The following ZCCHC7 variants were observed in gnomAD, a reference collection of about 807,000 sequenced individuals.
ZCCHC7 encodes zinc finger CCHC domain-containing protein 7.
In ZCCHC7, 35 loss-of-function variants were observed where a neutral mutation model predicts 52.0. That is an observed-to-expected ratio of 0.67 (90% CI 0.51 to 0.89). ZCCHC7 has a LOEUF of 0.89. ZCCHC7 is among the 40% of genes least tolerant of loss of function. The pLI is 0.00. For synonymous variants in ZCCHC7, 217 were observed against 221.5 expected (o/e 0.98, Z 0.18); for missense variants, 574 against 649.1 (o/e 0.88, Z 1.26).
intron 2 of ZCCHC7, among the ~76,000 whole-genome samples, chr9:37,262,064 T>C (rs531471495): frequency 6.6e-6 from 1 of 152,298 alleles, no homozygotes; most frequent in Admixed American, 6.5e-5. Flanking sequence ...CTTTTGATGA[T>C]AACAAAGCAG....
At chr9:37,335,142 A>G (rs1323820411) in intron 6 of ZCCHC7, among the ~76,000 whole-genome samples, 2 of 152,146 alleles carry the variant, frequency 1.3e-5, no homozygotes, top group Non-Finnish European at 2.9e-5. Flanking sequence ...TCAGTTAGGA[A>G]AACTAAGTTT....
At chr9:37,165,949 T>G (rs1588412688) in intron 2 of ZCCHC7, among the ~76,000 whole-genome samples, 1 of 152,232 alleles carries the variant, frequency 6.6e-6, no homozygotes, top group East Asian at 1.9e-4. Context: ...AGTTTATAAT[T>G]GCAAATTTAA....
chr9:37,287,979 G>T (rs182030778), intron 2 of ZCCHC7, among the ~76,000 whole-genome samples: 149 of 152,090 alleles, frequency 9.8e-4, no homozygotes, highest in Non-Finnish European at 1.9e-3. Context: ...AAGACCTTCT[G>T]TCAATATTCT....
intron 2 of ZCCHC7, among the ~76,000 whole-genome samples, chr9:37,146,764 G>C (rs1487508332): frequency 6.6e-6 from 1 of 151,810 alleles, no homozygotes. Flanking sequence ...TAAAAATTTT[G>C]TTTCTCTTCT....
chr9:37,294,885 G>A (rs1828711569), intron 2 of ZCCHC7, among the ~76,000 whole-genome samples: 1 of 152,094 alleles, frequency 6.6e-6, no homozygotes, highest in Non-Finnish European at 1.5e-5. Flanking sequence ...AAAGTGCCCA[G>A]GATCCTTGAA....
rs1829267041 is a variant in ZCCHC7 at position 37,305,645 on chromosome 9, C to T, written c.882C>T (p.His294=). Residue 294 remains histidine (H), a synonymous_variant, in exon 5 of 9, where the codon CAC becomes CAT. Coordinates refer to ENST00000336755, the MANE Select transcript of ZCCHC7 (RefSeq NM_032226.3). The part of the protein sequence containing the change: ...EYCPVPKMLD[H]SCLFRHSWDK... ...GTCCTGTGCCTAAGATGTTGGACCACTCATGTCTTTTCAGACATTCCTGGG... is the reference window on the plus strand; with the variant it reads ...GTCCTGTGCCTAAGATGTTGGACCATTCATGTCTTTTCAGACATTCCTGGG... 1 of 1,613,980 alleles carries T rather than the reference C, an allele frequency of 6.2e-7. No homozygotes were observed. Among genetic ancestry groups the T allele is most frequent in the African/African-American group, 1.3e-5 (1 of 74,894 alleles).
intron 1 of ZCCHC7, among the ~76,000 whole-genome samples, chr9:37,125,505 T>C (rs546824657): frequency 1.3e-5 from 2 of 152,256 alleles, no homozygotes; most frequent in Non-Finnish European, 2.9e-5. Context: ...GCCGTGCGAT[T>C]AATTTGTTAA....
In ZCCHC7 at chr9:37,352,581, C is replaced by T. The variant is rs540160041; in HGVS notation, c.1084-2129C>T. 1.1e-4 allele frequency among the ~76,000 whole-genome samples: 15 copies of T among 140,780 alleles called. 1 individual carries two copies. Among genetic ancestry groups the T allele is most frequent in the African/African-American group, 3.6e-4 (13 of 36,016 alleles). 92.4% of individuals were successfully genotyped at this position (140,780 alleles called of 152,430 possible). A position where few individuals can be genotyped will look rare whatever the true frequency, so the allele number is the denominator to read the frequency against. On this transcript the variant is annotated intron_variant, in intron 7 of 8. Transcript: ENST00000336755. Reference sequence around the variant, plus strand: ...TTGCCCAGGCTGGAGTGCAGTGGCGCAGTCTTGGCTCACTGCAACCTCCAC... The same window carrying T: ...TTGCCCAGGCTGGAGTGCAGTGGCGTAGTCTTGGCTCACTGCAACCTCCAC...
intron 2 of ZCCHC7, among the ~76,000 whole-genome samples, chr9:37,190,153 C>A (rs1822942352): frequency 6.6e-6 from 1 of 152,168 alleles, no homozygotes; most frequent in African/African-American, 2.4e-5. Context: ...AAAAAGAATT[C>A]TTGCTACCCT....
chr9:37,180,208 A>G (rs1221229650), intron 2 of ZCCHC7, among the ~76,000 whole-genome samples: 1 of 152,206 alleles, frequency 6.6e-6, no homozygotes, highest in Non-Finnish European at 1.5e-5. Flanking sequence ...GCTGAAAATT[A>G]GAGCAGAAAG....
chr9:37,161,876 T>C (rs1821127145), intron 2 of ZCCHC7, among the ~76,000 whole-genome samples: 1 of 152,162 alleles, frequency 6.6e-6, no homozygotes, highest in Non-Finnish European at 1.5e-5. Flanking sequence ...CTGTAACAGG[T>C]GGACATTAAA....
In ZCCHC7 at chr9:37,336,539, GT is replaced by G. The variant is rs1830671479; in HGVS notation, c.987+8706del. Among the ~76,000 whole-genome samples the G allele has an allele frequency of 3.9e-5, 6 of 152,198 alleles. No individual in the cohort carries two copies. The South Asian group carries it at 1.2e-3, about 32-fold the overall frequency. On this transcript the variant is annotated intron_variant, in intron 6 of 8. Transcript: ENST00000336755. Reference sequence around the variant, plus strand: ...GTGTTGTAAGTCATGTGGAGTTATGGTAAAAATGAAAATCTTGGGGTTTATT... The same window carrying G: ...GTGTTGTAAGTCATGTGGAGTTATGGAAAAATGAAAATCTTGGGGTTTATT...
At chr9:37,355,846 A>G (rs1247632313) in intron 8 of ZCCHC7, among the ~76,000 whole-genome samples, 2 of 152,238 alleles carry the variant, frequency 1.3e-5, no homozygotes, top group Non-Finnish European at 2.9e-5. Context: ...TGGAGAAGTT[A>G]TAGTAGTTGT....
intron 2 of ZCCHC7, among the ~76,000 whole-genome samples, chr9:37,268,888 G>C (rs966012541): frequency 6.6e-6 from 1 of 152,202 alleles, no homozygotes; most frequent in Non-Finnish European, 1.5e-5. Flanking sequence ...TGCTATGTTA[G>C]GGATAAGAAG....
chr9:37,354,664 G>A lies in ZCCHC7; in HGVS notation c.1084-46G>A. ...TCCAGAATCTTGCAAAAAGGTTTTT[G>A]AACAGTGTGACCATGTGACATCATA... On this transcript the variant is annotated intron_variant, in intron 7 of 8. Transcript: ENST00000336755. The surrounding 1 kb of genome is among the most constrained non-coding windows in gnomAD (Gnocchi z 4.0). 1 of 1,421,002 alleles carries A rather than the reference G, an allele frequency of 7.0e-7. No individual in the cohort carries two copies. The highest frequency in any genetic ancestry group is 9.8e-7 in the Non-Finnish European group (1 of 1,017,476). 88.0% of individuals were successfully genotyped at this position (1,421,002 alleles called of 1,614,324 possible).
intron 2 of ZCCHC7, among the ~76,000 whole-genome samples, chr9:37,159,606 T>C (rs1820986061): frequency 6.6e-6 from 1 of 152,210 alleles, no homozygotes; most frequent in Admixed American, 6.5e-5. Flanking sequence ...TTTGAGATTT[T>C]GGGAAAATTG....
chr9:37,152,167 C>T (rs1820564165), intron 2 of ZCCHC7, among the ~76,000 whole-genome samples: 1 of 152,066 alleles, frequency 6.6e-6, no homozygotes. Context: ...AATTAAATAA[C>T]TTGCTTTGAA....
In ZCCHC7 at chr9:37,304,188, G is replaced by A; in HGVS notation, c.655G>A (p.Ala219Thr). ...AATTCTTGATTTTTTTTTCCCTTAG[G>A]CCCAGATAGCTAATAACCGAACACC... ...NWSISDKDIE[A>T]QIANNRTPGR... The change falls in exon 4 of 9, where the codon GCC becomes ACC. Residue 219 changes from alanine (A) to threonine (T), a missense_variant and splice_region_variant. Physicochemically the swap from Ala to Thr is moderately conservative, Grantham distance 58 (BLOSUM62 0). Transcript: ENST00000336755. The A allele has an allele frequency of 6.2e-7, 1 of 1,603,170 alleles. No individual in the cohort carries two copies. Among genetic ancestry groups the A allele is most frequent in the South Asian group, 1.1e-5 (1 of 88,844 alleles).
chr9:37,244,593 TAATG>T (rs1404039798), intron 2 of ZCCHC7, among the ~76,000 whole-genome samples: 1 of 151,904 alleles, frequency 6.6e-6, no homozygotes, highest in Non-Finnish European at 1.5e-5. Context: ...GGGTGAATAA[TAATG>T]AATTATTTTT....
Sources: gnomAD v4.1 joint callset for allele counts (sites outside exome capture counted in the v4.1 genomes callset) on GRCh38, gnomAD v4.1.1 for gene constraint, Gnocchi (gnomAD v3.1) non-coding constraint, MANE v1.5 for transcripts, NCBI Gene and HGNC (gene_info 2026-07-23, HGNC 2026-07-21) for gene names.